The following AAAS variants were observed in gnomAD, a reference collection of about 807,000 sequenced individuals.
AAAS encodes the protein aladin.
AAAS carries 60 observed loss-of-function variants against 75.6 expected under a neutral mutation model. The observed-to-expected ratio is 0.79, with a 90% CI of 0.64 to 0.98. AAAS has a LOEUF of 0.98. Ranked by LOEUF, AAAS falls within the 50% of genes least tolerant of loss-of-function variation. The pLI is 0.00. For synonymous variants in AAAS, 271 were observed against 265.0 expected, an observed-to-expected ratio of 1.02 and a Z score of -0.22; for missense variants, 658 against 686.9, an observed-to-expected ratio of 0.96 and a Z score of 0.47.
intron 13 of AAAS, 43 bp from the exon 14 acceptor site, chr12:53,308,176 C>CA (rs1241303206): frequency 6.8e-6 from 11 of 1,612,266 alleles, no homozygotes; most frequent in Non-Finnish European, 8.5e-6. Context: ...ACTCTGAAGG[C>CA]AGAGTCCCAG....
intron 5 of AAAS, 116 bp from the exon 6 acceptor site, chr12:53,314,965 TGG>T: frequency 1.4e-6 from 2 of 1,480,950 alleles, no homozygotes; most frequent in Non-Finnish European, 1.9e-6. Context: ...TATTCTTTTT[TGG>T]GGGAACAGGA....
chr12:53,318,475 A>C (rs1324454976), intron 2 of AAAS, among the ~76,000 whole-genome samples: 1 of 152,078 alleles, frequency 6.6e-6, no homozygotes, highest in Non-Finnish European at 1.5e-5. Context: ...GGCCTCCCAA[A>C]GTGCTGGGAT....
chr12:53,315,443 G>A lies in AAAS; in HGVS notation c.308-17C>T. On this transcript the variant is annotated splice_polypyrimidine_tract_variant and intron_variant, in intron 3 of 15. Transcript: ENST00000209873. Reference sequence around the variant, plus strand: ...ACTCAAACACTGTAGGGTTGAGGAAGCAGCTCTGATTAAACCATTCACAGG... The same window carrying A: ...ACTCAAACACTGTAGGGTTGAGGAAACAGCTCTGATTAAACCATTCACAGG... 1 of 1,608,396 alleles carries A rather than the reference G, an allele frequency of 6.2e-7. No individual in the cohort carries two copies.
chr12:53,312,028 C>CA (rs1242336912), intron 7 of AAAS, among the ~76,000 whole-genome samples: 6 of 151,408 alleles, frequency 4.0e-5, no homozygotes, highest in Non-Finnish European at 5.9e-5. Flanking sequence ...GATCCTGCAA[C>CA]AAAAAAAAGG....
intron 13 of AAAS, 54 bp downstream of exon 13, chr12:53,308,228 T>C: frequency 6.2e-7 from 1 of 1,612,098 alleles, no homozygotes. Context: ...CACGGCCTCA[T>C]TAGATTAACT....
chr12:53,311,652 T>C (rs1944390013), intron 7 of AAAS, among the ~76,000 whole-genome samples: 1 of 152,080 alleles, frequency 6.6e-6, no homozygotes, highest in Non-Finnish European at 1.5e-5. Context: ...CAGCGGCTCA[T>C]GCCTGTAATC....
chr12:53,316,035 T>C (rs1944456701), intron 2 of AAAS, among the ~76,000 whole-genome samples: 1 of 151,902 alleles, frequency 6.6e-6, no homozygotes, highest in African/African-American at 2.4e-5. Context: ...GGTTAAGGAG[T>C]TGGGACTTGC....
chr12:53,309,754 A>T, intron 7 of AAAS, 33 bp from the exon 8 acceptor site: 1 of 1,608,814 alleles, frequency 6.2e-7, no homozygotes, highest in Non-Finnish European at 8.5e-7. Flanking sequence ...TGGAGTCAGA[A>T]GATGACAAGA....
chr12:53,318,926 T>A (rs979852937), intron 2 of AAAS, among the ~76,000 whole-genome samples: 2 of 152,152 alleles, frequency 1.3e-5, no homozygotes, highest in Non-Finnish European at 1.5e-5. Context: ...TGGGAATGAA[T>A]GGCTTTTCAA....
At chr12:53,315,458 C>T in intron 3 of AAAS, 32 bp from the exon 4 acceptor site, 2 of 1,584,972 alleles carry the variant, frequency 1.3e-6, no homozygotes, top group Admixed American at 1.7e-5. Flanking sequence ...TCTGATTAAA[C>T]CATTCACAGG....
chr12:53,314,731 C>T lies in AAAS; in HGVS notation c.545+20G>A. 2 of 1,608,320 alleles carry T rather than the reference C, an allele frequency of 1.2e-6. No homozygotes were observed. Among genetic ancestry groups the T allele is most frequent in the East Asian group, 2.2e-5 (1 of 44,842 alleles). ...GGTGATATTGACAAGTCAGAGCCCACCTGGTGTCCCCACACACACCTGCTG... is the reference window on the plus strand; with the variant it reads ...GGTGATATTGACAAGTCAGAGCCCATCTGGTGTCCCCACACACACCTGCTG... On this transcript the variant is annotated intron_variant, in intron 6 of 15. Coordinates refer to ENST00000209873, the MANE Select transcript of AAAS (RefSeq NM_015665.6).
chr12:53,309,924 G>A, intron 7 of AAAS: 1 of 753,062 alleles, frequency 1.3e-6, no homozygotes, highest in Non-Finnish European at 2.2e-6. Context: ...CCACGAGCAG[G>A]TCAACAGAGA....
At chr12:53,315,843 TTTCATTCA>T in intron 2 of AAAS, 61 bp from the exon 3 acceptor site, 1 of 1,566,514 alleles carries the variant, frequency 6.4e-7, no homozygotes, top group Non-Finnish European at 8.7e-7. Context: ...TCTCTACCAG[TTTCATTCA>T]TTCAATATAC....
chr12:53,316,286 C>T (rs1944459320), intron 2 of AAAS, among the ~76,000 whole-genome samples: 1 of 148,228 alleles, frequency 6.7e-6, no homozygotes, highest in Non-Finnish European at 1.5e-5. Flanking sequence ...CCCGTCTCTA[C>T]TAAAAATGCA....
At position 53,308,550 on chromosome 12, in the gene AAAS, G is replaced by A. The variant is rs202149640; in HGVS notation, c.1088-22C>T. The A allele has an allele frequency of 1.9e-4, 304 of 1,613,908 alleles. 2 individuals are homozygous for A. Among genetic ancestry groups the A allele is most frequent in the Middle Eastern group, 1.8e-3 (11 of 6,062 alleles). ...TCACCTGTGGACAAATAAGAGCAGA[G>A]AGGTTCTTGCAAGAAACAGGCCTCT... On this transcript the variant is annotated intron_variant, in intron 11 of 15. Transcript: ENST00000209873.
chr12:53,315,874 T>C (rs1031129300), intron 2 of AAAS, 92 bp from the exon 3 acceptor site: 1 of 1,415,770 alleles, frequency 7.1e-7, no homozygotes, highest in African/African-American at 1.4e-5. Flanking sequence ...GTATTAAAAA[T>C]ATGGGCACTC....
intron 7 of AAAS, among the ~76,000 whole-genome samples, chr12:53,312,807 A>C (rs201737449): frequency 6.7e-6 from 1 of 148,784 alleles, no homozygotes; most frequent in Non-Finnish European, 1.5e-5. Context: ...ATACGTGTAT[A>C]TATATGTGTA....
intron 2 of AAAS, among the ~76,000 whole-genome samples, chr12:53,320,085 T>C (rs1379210874): frequency 6.6e-6 from 1 of 151,064 alleles, no homozygotes; most frequent in Non-Finnish European, 1.5e-5. Flanking sequence ...GCCACTGCAC[T>C]CCAGCCTGGG....
At chr12:53,315,589 G>A (rs1337933645) in intron 3 of AAAS, 138 bp downstream of exon 3, 9 of 1,261,444 alleles carry the variant, frequency 7.1e-6, no homozygotes, top group Non-Finnish European at 1.0e-5. Flanking sequence ...CCCACTCTGG[G>A]TTATTTGGGT....
Sources: gnomAD v4.1 joint callset for allele counts (sites outside exome capture counted in the v4.1 genomes callset) on GRCh38, gnomAD v4.1.1 for gene constraint, MANE v1.5 for transcripts, NCBI Gene and HGNC (gene_info 2026-07-23, HGNC 2026-07-21) for gene names.